Variants in NPSR1 observed in about 807,000 individuals in gnomAD.
NPSR1 encodes the protein neuropeptide S receptor.
NPSR1 carries 48 observed loss-of-function variants against 46.9 expected under a neutral mutation model. That is an observed-to-expected ratio of 1.02 (90% CI 0.81 to 1.30). The LOEUF (loss-of-function observed/expected upper bound fraction) is 1.30. Among genes scored for constraint, NPSR1 ranks in the 50% most tolerant of loss-of-function variants. The pLI is 0.00. For missense variants in NPSR1, 450 were observed against 449.5 expected, an observed-to-expected ratio of 1.00 and a Z score of -0.01; for synonymous variants, 176 against 168.1, an observed-to-expected ratio of 1.05 and a Z score of -0.36.
At chr7:34,862,904 A>G (rs1317030954) in intron 8 of NPSR1, among the ~76,000 whole-genome samples, 1 of 151,758 alleles carries the variant, frequency 6.6e-6, no homozygotes, top group Non-Finnish European at 1.5e-5. Context: ...ATAGACCATC[A>G]TATGTTCTAC....
At chr7:34,859,264 T>G (rs1791128085) in intron 8 of NPSR1, among the ~76,000 whole-genome samples, 1 of 151,742 alleles carries the variant, frequency 6.6e-6, no homozygotes, top group Non-Finnish European at 1.5e-5. Context: ...GTGAGTCAGT[T>G]CAGAAGAAAT....
At chr7:34,731,541 A>T (rs1355289192) in intron 2 of NPSR1, among the ~76,000 whole-genome samples, 1 of 152,204 alleles carries the variant, frequency 6.6e-6, no homozygotes, top group Non-Finnish European at 1.5e-5. Context: ...TATTCCACCA[A>T]TATGTATTAC....
At chr7:34,853,642 G>A (rs1468862047), downstream of NPSR1, among the ~76,000 whole-genome samples, 2 of 152,174 alleles carry the variant, frequency 1.3e-5, no homozygotes, top group African/African-American at 2.4e-5. Context: ...CTCCAAAGCT[G>A]TTCCAAGGAG....
intron 6 of NPSR1, among the ~76,000 whole-genome samples, chr7:34,842,452 G>A (rs981176327): frequency 2.6e-5 from 4 of 152,180 alleles, no homozygotes; most frequent in African/African-American, 9.7e-5. Context: ...CCCACTAGAC[G>A]CCAGTAGCAC....
intron 2 of NPSR1, chr7:34,711,135 AGCTTAGCAT>A (rs1379474704): frequency 3.4e-6 from 1 of 292,366 alleles, no homozygotes; most frequent in Non-Finnish European, 6.8e-6. Flanking sequence ...AAGCTCAACA[AGCTTAGCAT>A]GCTGAGGATT....
intron 3 of NPSR1, among the ~76,000 whole-genome samples, chr7:34,794,882 T>C (rs989666284): frequency 8.6e-5 from 13 of 151,924 alleles, no homozygotes; most frequent in Non-Finnish European, 2.9e-5. Flanking sequence ...CTACAATAAA[T>C]ACAAAAATTA....
At chr7:34,848,401 G>C in intron 7 of NPSR1, 82 bp from the exon 8 acceptor site, 6 of 1,208,958 alleles carry the variant, frequency 5.0e-6, no homozygotes, top group Non-Finnish European at 7.1e-6. Flanking sequence ...GAACCTCTCA[G>C]GTAAAAGTCC....
intron 2 of NPSR1, 118 bp downstream of exon 2, chr7:34,684,802 AT>A (rs1792846096): frequency 1.2e-6 from 1 of 832,220 alleles, no homozygotes; most frequent in African/African-American, 1.8e-5. Context: ...TTTGGGAATA[AT>A]TTCTGAAAGA....
intron 1 of NPSR1, among the ~76,000 whole-genome samples, chr7:34,661,687 C>T (rs747978470): frequency 3.9e-5 from 6 of 152,180 alleles, no homozygotes; most frequent in Non-Finnish European, 8.8e-5. Flanking sequence ...AGGGTGGGTT[C>T]ACCCATCCCA....
Position 34,849,759 on chromosome 7 carries a change from C to G in NPSR1, c.*104C>G. ...GAACCCGAGCCAACTTCACCCCACC[C>G]TCGTCATTACCTGGGAGATGCACAA... On this transcript the variant is annotated 3_prime_UTR_variant, in exon 9 of 9. Transcript: ENST00000360581. The G allele has an allele frequency of 1.9e-6, 3 of 1,556,832 alleles. No homozygotes were observed. The highest frequency in any genetic ancestry group is 2.4e-5 in the South Asian group (2 of 82,078).
rs1368097613 is a variant in NPSR1, at chr7:34,844,935, C to CA, written c.800dup (p.Ala268GlyfsTer9). 4 of 1,613,156 alleles carry CA rather than the reference C, an allele frequency of 2.5e-6. No individual in the cohort carries two copies. The highest frequency in any genetic ancestry group is 3.4e-6 in the Non-Finnish European group (4 of 1,179,230). Reference sequence around the variant, plus strand: ...AGCAGCTATAACCGAGGACTCATCTCAAAGGCAAAAATCAAGGCTATCAAG... The same window carrying CA: ...AGCAGCTATAACCGAGGACTCATCTCAAAAGGCAAAAATCAAGGCTATCAAG... On this transcript the variant is annotated frameshift_variant, in exon 7 of 9. Transcript: ENST00000360581. LOFTEE classifies it high-confidence loss of function.
chr7:34,799,196 G>T (rs1163390173), intron 3 of NPSR1, among the ~76,000 whole-genome samples: 1 of 151,964 alleles, frequency 6.6e-6, no homozygotes, highest in Non-Finnish European at 1.5e-5. Flanking sequence ...GCTTTACTTA[G>T]CCATTCCACA....
chr7:34,862,214 C>T (rs773044224), intron 8 of NPSR1, among the ~76,000 whole-genome samples: 10 of 151,780 alleles, frequency 6.6e-5, no homozygotes, highest in Admixed American at 1.3e-4. Context: ...CAAGCAAGAG[C>T]GTAATTGCGG....
intron 2 of NPSR1, chr7:34,753,326 T>C (rs540627903): frequency 6.6e-6 from 1 of 152,338 alleles, no homozygotes; most frequent in South Asian, 2.1e-4. Context: ...TATCCCATCA[T>C]GTCACAACTT....
chr7:34,720,683 G>T (rs1341828424), intron 2 of NPSR1, among the ~76,000 whole-genome samples: 1 of 152,104 alleles, frequency 6.6e-6, no homozygotes, highest in Admixed American at 6.5e-5. Context: ...AATTGAAGGA[G>T]AAGAAGCCTT....
chr7:34,727,121 G>C (rs560750851), intron 2 of NPSR1, among the ~76,000 whole-genome samples: 10 of 152,242 alleles, frequency 6.6e-5, no homozygotes, highest in Non-Finnish European at 1.2e-4. Flanking sequence ...TGTGGGAGCA[G>C]AGAGTATATA....
At chr7:34,798,428 G>A (rs568473081) in intron 3 of NPSR1, among the ~76,000 whole-genome samples, 118 of 152,162 alleles carry the variant, frequency 7.8e-4, no homozygotes, top group African/African-American at 2.6e-3. Flanking sequence ...CCAGCTACTC[G>A]GGAGGCTGAA....
At chr7:34,864,095 C>T (rs1584154926) in intron 8 of NPSR1, among the ~76,000 whole-genome samples, 2 of 151,646 alleles carry the variant, frequency 1.3e-5, no homozygotes, top group East Asian at 3.9e-4. Flanking sequence ...AGCTGGAAAC[C>T]ATCATTCTCA....
chr7:34,852,658 G>A (rs1424030906), downstream of NPSR1, among the ~76,000 whole-genome samples: 1 of 152,154 alleles, frequency 6.6e-6, no homozygotes, highest in East Asian at 1.9e-4. Flanking sequence ...TCCCAACTGA[G>A]AAATGCAGTT....
Sources: gnomAD v4.1 joint callset for allele counts (sites outside exome capture counted in the v4.1 genomes callset) on GRCh38, gnomAD v4.1.1 for gene constraint, MANE v1.5 for transcripts, NCBI Gene and HGNC (gene_info 2026-07-23, HGNC 2026-07-21) for gene names.